Variants in SATB1 observed in about 807,000 individuals in gnomAD.
SATB1 encodes the protein SATB homeobox 1, also known as DNA-binding protein SATB1.
SATB1 carries 11 observed loss-of-function variants against 86.9 expected under a neutral mutation model. The observed-to-expected ratio is 0.13, with a 90% CI of 0.08 to 0.21. SATB1 has a LOEUF of 0.21. SATB1 is among the 10% of genes least tolerant of loss of function. SATB1 has a pLI of 1.00. For missense variants in SATB1, 551 were observed against 937.6 expected (o/e 0.59, Z 5.39); for synonymous variants, 357 against 357.2 (o/e 1.00, Z 0.01).
At chr3:18,396,276 T>C (rs1696960815) in intron 6 of SATB1, among the ~76,000 whole-genome samples, 1 of 152,046 alleles carries the variant, frequency 6.6e-6, no homozygotes, top group Non-Finnish European at 1.5e-5. Flanking sequence ...GGATTAATTT[T>C]TCTTAAAAAA....
chr3:18,369,377 T>A (rs1410920782), intron 9 of SATB1, among the ~76,000 whole-genome samples: 1 of 152,150 alleles, frequency 6.6e-6, no homozygotes, highest in Non-Finnish European at 1.5e-5. Context: ...ACAATCTTTT[T>A]ACCATTTGAA....
chr3:18,352,460 T>A lies in SATB1; in HGVS notation c.1576-265A>T. ...GACTCTGAGGGTAACAGAGCATTTA[T>A]CACAGATTTTTTAATATATGAAATA... On this transcript the variant is annotated intron_variant, in intron 9 of 10. Transcript: ENST00000338745. This position sits in a 1 kb window ranked among gnomAD's most constrained non-coding sequence, Gnocchi z 4.1. The A allele has an allele frequency of 2.5e-6, 1 of 394,318 alleles. No homozygotes were observed. The highest frequency in any genetic ancestry group is 4.6e-6 in the Non-Finnish European group (1 of 215,386). 24.4% of individuals were successfully genotyped at this position (394,318 alleles called of 1,614,324 possible). A position where few individuals can be genotyped will look rare whatever the true frequency, so the allele number is the denominator to read the frequency against.
chr3:18,438,621 A>C (rs1699149160), exon 1 of SATB1: 1 of 152,254 alleles, frequency 6.6e-6, no homozygotes, highest in South Asian at 2.1e-4. Flanking sequence ...TGTCTGAAAA[A>C]GTAGTCTTTG....
At position 18,424,918 on chromosome 3, in the gene SATB1, G is replaced by C. The variant is rs577117562; in HGVS notation, c.-1316C>G. The C allele has an allele frequency of 1.3e-5, 2 of 154,490 alleles. No individual in the cohort carries two copies. The highest frequency in any genetic ancestry group is 6.5e-5 in the Admixed American group (1 of 15,320). 9.6% of individuals were successfully genotyped at this position (154,490 alleles called of 1,614,324 possible). ...AGGCCGGGTGTTGCTGGGTGGCACA[G>C]GGAGAGGTGTGTGTGTGTTTGTGTG... On this transcript the variant is annotated 5_prime_UTR_variant, in exon 1 of 11. Transcript: ENST00000338745.
At chr3:18,406,772 T>C (rs1488762913) in intron 5 of SATB1, among the ~76,000 whole-genome samples, 1 of 152,030 alleles carries the variant, frequency 6.6e-6, no homozygotes, top group Non-Finnish European at 1.5e-5. Flanking sequence ...TGTTCTTTGT[T>C]AGGTAAAAAT....
At position 18,391,378 on chromosome 3, in the gene SATB1, TAA is replaced by T. The variant is rs139613210; in HGVS notation, c.1206+3082_1206+3083del. Among the ~76,000 whole-genome samples, 700 of 137,454 alleles carry T rather than the reference TAA, an allele frequency of 5.1e-3. 11 individuals carry two copies. Among genetic ancestry groups the T allele is most frequent in the South Asian group, 0.048 (217 of 4,526 alleles). 90.2% of individuals were successfully genotyped at this position (137,454 alleles called of 152,430 possible). On this transcript the variant is annotated intron_variant, in intron 7 of 10. Coordinates refer to ENST00000338745, the MANE Select transcript of SATB1 (RefSeq NM_002971.6). ...GTATTTGTATGTACATATTTTACAT[TAA>T]TTTTTTTTTTATTATACTTTAAGTT...
rs1436768199 is a variant in SATB1 at position 18,424,286 on chromosome 3, T to C, written c.-684A>G. 5 of 151,570 alleles carry C rather than the reference T, an allele frequency of 3.3e-5. No homozygotes were observed. The highest frequency in any genetic ancestry group is 6.6e-5 in the Admixed American group (1 of 15,212). The allele number at this position is 151,570 out of a possible 1,614,324, so 9.4% of individuals were successfully genotyped here. A position where few individuals can be genotyped will look rare whatever the true frequency, so the allele number is the denominator to read the frequency against. ...CTTCAATAACCCCGAATAACGCGCA[T>C]TGGGAAGGCCACCTCGCCTCCCTTC... On this transcript the variant is annotated 5_prime_UTR_variant, in exon 1 of 11. It removes an upstream start codon present in the reference 5' UTR. Transcript: ENST00000338745.
chr3:18,399,229 A>T (rs1379374342), intron 5 of SATB1, among the ~76,000 whole-genome samples: 1 of 152,158 alleles, frequency 6.6e-6, no homozygotes, highest in Non-Finnish European at 1.5e-5. Flanking sequence ...CAACAGTTCT[A>T]TATATGAAAT....
At chr3:18,385,837 T>A (rs1696316770) in intron 8 of SATB1, among the ~76,000 whole-genome samples, 1 of 152,024 alleles carries the variant, frequency 6.6e-6, no homozygotes, top group Non-Finnish European at 1.5e-5. Context: ...AGTCCAAAAA[T>A]TTTAAGAAAG....
upstream of SATB1, among the ~76,000 whole-genome samples, chr3:18,428,761 A>G (rs896553240): frequency 6.6e-6 from 1 of 152,212 alleles, no homozygotes; most frequent in African/African-American, 2.4e-5. Context: ...GCTACACACA[A>G]AATTTTTAAA....
Position 18,386,948 on chromosome 3 carries a change from T to C in SATB1, c.1207-337A>G, listed in dbSNP as rs1696375648. Among the ~76,000 whole-genome samples the C allele has an allele frequency of 6.6e-6, 1 of 152,194 alleles. No individual in the cohort carries two copies. Among genetic ancestry groups the C allele is most frequent in the Non-Finnish European group, 1.5e-5 (1 of 68,034 alleles). ...TCCTTATAATGCAACAGCACTGAAC[T>C]GTATAGTTCCCAAGCTGCCTAGACA... On this transcript the variant is annotated intron_variant, in intron 7 of 10. Transcript: ENST00000338745. The surrounding 1 kb of genome is among the most constrained non-coding windows in gnomAD (Gnocchi z 4.5).
rs114503687 is a variant in SATB1 at position 18,400,128 on chromosome 3, T to C, written c.640-2838A>G. Among the ~76,000 whole-genome samples the C allele has an allele frequency of 6.0e-3, 909 of 152,176 alleles. 8 individuals are homozygous for C. The highest frequency in any genetic ancestry group is 0.021 in the African/African-American group (867 of 41,522). ...ACACGTAATGTTTTGATAACACAAA[T>C]AAAAAAGTCATGATTGGTAAAATTT... On this transcript the variant is annotated intron_variant, in intron 5 of 10. Transcript: ENST00000338745.
At chr3:18,432,191 A>G (rs1438265329) in intron 2 of SATB1, among the ~76,000 whole-genome samples, 1 of 152,150 alleles carries the variant, frequency 6.6e-6, no homozygotes, top group Non-Finnish European at 1.5e-5. Flanking sequence ...TAGACTGTCC[A>G]TGTCAAGGAG....
chr3:18,397,117 G>C lies in SATB1; in HGVS notation c.751+62C>G, dbSNP rs953389540. 7.4e-6 allele frequency: 7 copies of C among 940,414 alleles called. No homozygotes were observed. The East Asian group carries it at 1.4e-4, about 19-fold the overall frequency. 58.3% of individuals were successfully genotyped at this position (940,414 alleles called of 1,614,324 possible). ...AAGACCTGGCTTTAGATGTGACTTT[G>C]ATAAACCCCCAAATGACACGTAATG... On this transcript the variant is annotated intron_variant, in intron 6 of 10. Coordinates refer to ENST00000338745, the MANE Select transcript of SATB1 (RefSeq NM_002971.6).
rs762460198 is a variant in SATB1, at chr3:18,349,729, C to G, written c.1780-47G>C. On this transcript the variant is annotated intron_variant, in intron 10 of 10. Transcript: ENST00000338745. The surrounding 1 kb of genome is among the most constrained non-coding windows in gnomAD (Gnocchi z 5.5). ...ATCAGAGCTCTGCTATCGTGGAGTT[C>G]CACACAAAGCCGTCTCCAATCAGGA... 22 of 1,536,804 alleles carry G rather than the reference C, an allele frequency of 1.4e-5. No homozygotes were observed. The highest frequency in any genetic ancestry group is 1.8e-5 in the Non-Finnish European group (21 of 1,142,686).
At chr3:18,426,061 A>G (rs1482064965), upstream of SATB1, among the ~76,000 whole-genome samples, 1 of 151,854 alleles carries the variant, frequency 6.6e-6, no homozygotes, top group Non-Finnish European at 1.5e-5. The surrounding 1 kb of genome is among the most constrained non-coding windows in gnomAD (Gnocchi z 4.2). Flanking sequence ...TGAGGTAGGG[A>G]GCCATCAGGA....
At chr3:18,445,362 G>A in intron 1 of SATB1, 3 of 985,142 alleles carry the variant, frequency 3.0e-6, no homozygotes, top group Non-Finnish European at 3.6e-6. Flanking sequence ...GGTGTGGGGG[G>A]CGGCGGGCCG....
Position 18,352,509 on chromosome 3 carries a change from T to C in SATB1, c.1576-314A>G. 3.6e-6 allele frequency: 1 copy of C among 276,810 alleles called. No individual in the cohort carries two copies. The highest frequency in any genetic ancestry group is 7.0e-6 in the Non-Finnish European group (1 of 142,622). The allele number at this position is 276,810 out of a possible 1,614,324, so 17.1% of individuals were successfully genotyped here. On this transcript the variant is annotated intron_variant, in intron 9 of 10. Coordinates refer to ENST00000338745, the MANE Select transcript of SATB1 (RefSeq NM_002971.6). The surrounding 1 kb of genome is among the most constrained non-coding windows in gnomAD (Gnocchi z 4.1). ...TAGGAGAAAAACAAAGTTGATGTGC[T>C]TCAGTCTTGCACAACTTTGCTATCT...
rs1477186274 is a variant in SATB1, at chr3:18,346,399, T to C, written c.*2771A>G. 1 of 152,086 alleles carries C rather than the reference T, an allele frequency of 6.6e-6. No individual in the cohort carries two copies. Among genetic ancestry groups the C allele is most frequent in the Admixed American group, 6.6e-5 (1 of 15,262 alleles). The allele number at this position is 152,086 out of a possible 1,614,324, so 9.4% of individuals were successfully genotyped here. A position where few individuals can be genotyped will look rare whatever the true frequency, so the allele number is the denominator to read the frequency against. On this transcript the variant is annotated 3_prime_UTR_variant, in exon 11 of 11. Transcript: ENST00000338745. Reference sequence around the variant, plus strand: ...AAGTCTCTGAAATACTTGGACACAATGAAGCTTGTTAAAGGAATTTTACCA... The same window carrying C: ...AAGTCTCTGAAATACTTGGACACAACGAAGCTTGTTAAAGGAATTTTACCA...
Sources: gnomAD v4.1 joint callset for allele counts (sites outside exome capture counted in the v4.1 genomes callset) on GRCh38, gnomAD v4.1.1 for gene constraint, Gnocchi (gnomAD v3.1) non-coding constraint, MANE v1.5 for transcripts, NCBI Gene and HGNC (gene_info 2026-07-23, HGNC 2026-07-21) for gene names.